Variants in EPHB1 observed in about 807,000 individuals in gnomAD.
EPHB1 encodes the protein EPH receptor B1.
In EPHB1, 30 loss-of-function variants were observed where a neutral mutation model predicts 94.4. That is an observed-to-expected ratio of 0.32 (90% CI 0.24 to 0.43). The LOEUF is 0.43. Ranked by LOEUF, EPHB1 falls within the 20% of genes least tolerant of loss-of-function variation. The pLI is 1.00. For synonymous variants in EPHB1, 522 were observed against 489.1 expected (o/e 1.07, Z -0.89); for missense variants, 1,055 against 1,308.3 (o/e 0.81, Z 2.99).
intron 1 of EPHB1, among the ~76,000 whole-genome samples, chr3:134,827,370 CACACACACACACACACACAT>C (rs2108292178): frequency 9.2e-6 from 1 of 108,324 alleles, no homozygotes; most frequent in African/African-American, 5.0e-5. Flanking sequence ...CGTGCACACA[CACACACACACACACACACAT>C]ACACACACAC....
At chr3:135,059,210 A>G (rs534562087) in intron 3 of EPHB1, among the ~76,000 whole-genome samples, 143 of 152,346 alleles carry the variant, frequency 9.4e-4, no homozygotes, top group Non-Finnish European at 1.6e-3. Flanking sequence ...TTACTTCTGA[A>G]GTAGAAAAAA....
intron 11 of EPHB1, among the ~76,000 whole-genome samples, chr3:135,198,448 T>A (rs948674695): frequency 1.3e-5 from 2 of 152,200 alleles, no homozygotes; most frequent in African/African-American, 4.8e-5. Flanking sequence ...CTACCAACAT[T>A]TGTGACTAAT....
intron 5 of EPHB1, among the ~76,000 whole-genome samples, chr3:135,145,506 G>C (rs1940983431): frequency 6.6e-6 from 1 of 152,154 alleles, no homozygotes; most frequent in Non-Finnish European, 1.5e-5. Context: ...AAATGGACTG[G>C]CTTCAAGGCC....
intron 3 of EPHB1, among the ~76,000 whole-genome samples, chr3:135,072,072 G>T (rs1937735939): frequency 6.6e-6 from 1 of 152,086 alleles, no homozygotes; most frequent in Non-Finnish European, 1.5e-5. Context: ...GCAGATGAAT[G>T]GCTTAAAAAA....
chr3:134,804,484 A>T (rs561318333), intron 1 of EPHB1, among the ~76,000 whole-genome samples: 1 of 151,972 alleles, frequency 6.6e-6, no homozygotes, highest in South Asian at 2.1e-4. Flanking sequence ...GTCCATCTAG[A>T]TATTGTCTTT....
intron 3 of EPHB1, among the ~76,000 whole-genome samples, chr3:134,976,827 G>C (rs2107731361): frequency 6.6e-6 from 1 of 152,220 alleles, no homozygotes; most frequent in South Asian, 2.1e-4. Context: ...AGAAACAGCA[G>C]CTCAGATAAA....
At chr3:134,821,368 A>G (rs775435134) in intron 1 of EPHB1, among the ~76,000 whole-genome samples, 1 of 152,200 alleles carries the variant, frequency 6.6e-6, no homozygotes, top group African/African-American at 2.4e-5. Context: ...GTTAACCATC[A>G]CAGGATTTTT....
chr3:134,886,843 C>T (rs1438980397), intron 1 of EPHB1, among the ~76,000 whole-genome samples: 2 of 151,968 alleles, frequency 1.3e-5, no homozygotes, highest in African/African-American at 4.8e-5. Context: ...CAATTAGTGA[C>T]TGATGGAGCT....
intron 1 of EPHB1, among the ~76,000 whole-genome samples, chr3:134,872,826 G>A (rs79040871): frequency 0.053 from 8,005 of 152,266 alleles, 249 homozygotes; most frequent in South Asian, 0.11. Context: ...GGCACTCCAC[G>A]AGGCAGGGAA....
At chr3:135,258,872 C>CA in intron 15 of EPHB1, 140 bp from the exon 16 acceptor site, 1 of 702,762 alleles carries the variant, frequency 1.4e-6, no homozygotes, top group Non-Finnish European at 2.4e-6. Flanking sequence ...GGAAGTTTGC[C>CA]AAAAATTTGG....
At chr3:135,209,859 T>C (rs1942992374) in intron 12 of EPHB1, among the ~76,000 whole-genome samples, 1 of 152,184 alleles carries the variant, frequency 6.6e-6, no homozygotes, top group Admixed American at 6.5e-5. Flanking sequence ...GACAGGAAGA[T>C]GCATCAGGAG....
intron 1 of EPHB1, among the ~76,000 whole-genome samples, chr3:134,867,556 T>C (rs2037406126): frequency 6.6e-6 from 1 of 152,104 alleles, no homozygotes; most frequent in Non-Finnish European, 1.5e-5. Flanking sequence ...GCACTTGGCC[T>C]GGGGAAGGAA....
At chr3:135,216,100 T>C (rs878902381) in intron 12 of EPHB1, among the ~76,000 whole-genome samples, 4 of 152,170 alleles carry the variant, frequency 2.6e-5, no homozygotes, top group Non-Finnish European at 5.9e-5. Context: ...CCAGCATCTT[T>C]TCACGGGGTG....
At chr3:134,934,696 G>A (rs1051230743) in intron 2 of EPHB1, among the ~76,000 whole-genome samples, 1 of 151,452 alleles carries the variant, frequency 6.6e-6, no homozygotes, top group Non-Finnish European at 1.5e-5. Context: ...CGGTATGGGT[G>A]GGGGAGGGGA....
intron 1 of EPHB1, among the ~76,000 whole-genome samples, chr3:134,855,117 A>G (rs2037084068): frequency 6.6e-6 from 1 of 152,210 alleles, no homozygotes; most frequent in African/African-American, 2.4e-5. Context: ...AAATTTTAGT[A>G]ATACATATAT....
chr3:135,060,940 A>T, intron 3 of EPHB1, among the ~76,000 whole-genome samples: 1 of 150,350 alleles, frequency 6.7e-6, no homozygotes, highest in Admixed American at 6.6e-5. Context: ...TCCTCCCAAC[A>T]CCCTCACTAC....
At chr3:135,070,490 C>T (rs1231675984) in intron 3 of EPHB1, among the ~76,000 whole-genome samples, 2 of 152,088 alleles carry the variant, frequency 1.3e-5, no homozygotes, top group African/African-American at 4.8e-5. Flanking sequence ...ATAAACTGGC[C>T]AGAACTGTGA....
intron 5 of EPHB1, among the ~76,000 whole-genome samples, chr3:135,148,756 T>C (rs1941096233): frequency 6.6e-6 from 1 of 152,176 alleles, no homozygotes; most frequent in Non-Finnish European, 1.5e-5. Context: ...TGAGAGTAAG[T>C]TTTCCCCAAA....
At chr3:134,806,364 G>A (rs967773629) in intron 1 of EPHB1, among the ~76,000 whole-genome samples, 8 of 152,162 alleles carry the variant, frequency 5.3e-5, no homozygotes, top group African/African-American at 1.7e-4. Context: ...GTAACATGAA[G>A]GGGTCACGTA....
Sources: allele counts gnomAD v4.1 joint callset (sites outside exome capture counted in the v4.1 genomes callset), GRCh38; gene constraint gnomAD v4.1.1; transcripts MANE v1.5; gene names NCBI Gene and HGNC (gene_info 2026-07-23, HGNC 2026-07-21).